Variants in FRMD5 observed in about 807,000 individuals in gnomAD.
FRMD5 encodes the protein FERM domain containing 5, also known as FERM domain-containing protein 5.
FRMD5 carries 20 observed loss-of-function variants against 69.0 expected under a neutral mutation model. The observed-to-expected ratio is 0.29, with a 90% CI of 0.20 to 0.42. FRMD5 has a LOEUF of 0.42. Among genes scored for constraint, FRMD5 ranks in the 10% least tolerant of loss-of-function variants. The probability of loss-of-function intolerance (pLI) is 1.00; values close to 1 mark genes in which losing one functional copy is unlikely to be tolerated. For synonymous variants in FRMD5, 271 were observed against 260.1 expected, an observed-to-expected ratio of 1.04 and a Z score of -0.40; for missense variants, 595 against 708.6, an observed-to-expected ratio of 0.84 and a Z score of 1.82.
intron 1 of FRMD5, among the ~76,000 whole-genome samples, chr15:44,146,643 C>A (rs2077361219): frequency 6.6e-6 from 1 of 152,150 alleles, no homozygotes; most frequent in Non-Finnish European, 1.5e-5. Context: ...TTCTCCATAG[C>A]CTTGCCAGCA....
Position 43,888,837 on chromosome 15 carries a change from GTCTT to G in FRMD5, c.760_763del (p.Lys254LeufsTer6). ...TTTCTGACTTACGTATAAATAGAAA[GTCTT>G]TCCTTCAAATTTCAGCTTGGTCACC... On this transcript the variant is annotated frameshift_variant, in exon 9 of 14. Coordinates refer to ENST00000417257, the MANE Select transcript of FRMD5 (RefSeq NM_032892.5). LOFTEE classifies it high-confidence loss of function. 6.2e-7 allele frequency: 1 copy of G among 1,614,004 alleles called. No individual in the cohort carries two copies. Among genetic ancestry groups the G allele is most frequent in the Non-Finnish European group, 8.5e-7 (1 of 1,179,894 alleles).
chr15:43,876,208 C>G (rs2088351885), intron 13 of FRMD5: 1 of 1,595,888 alleles, frequency 6.3e-7, no homozygotes. Context: ...CCCCCTTTCC[C>G]CGCTTTTCCA....
chr15:44,078,858 C>A (rs1280579419), intron 1 of FRMD5, among the ~76,000 whole-genome samples: 2 of 152,082 alleles, frequency 1.3e-5, no homozygotes, highest in Non-Finnish European at 2.9e-5. Flanking sequence ...GAAAAAATTT[C>A]ATGCCATTAG....
At chr15:44,063,615 T>A in intron 1 of FRMD5, 1 of 520,508 alleles carries the variant, frequency 1.9e-6, no homozygotes, top group South Asian at 1.4e-5. Flanking sequence ...CCATCAATGA[T>A]CCCTTTGTTG....
rs985870468 is a variant in FRMD5 at position 44,155,696 on chromosome 15, C to T, written c.102+39257G>A. Among the ~76,000 whole-genome samples the T allele has an allele frequency of 5.3e-5, 8 of 151,408 alleles. No individual in the cohort carries two copies. In the South Asian group the frequency reaches 1.1e-3, roughly 20 times the overall value. On this transcript the variant is annotated intron_variant, in intron 1 of 13. Transcript: ENST00000417257. The stretch of plus-strand genomic sequence containing the variant: ...GCAACCTCCACCTCCCAGGTTCAAG[C>T]GATTCTCCTGCCTCAGCCTCCCGAG...
In FRMD5 at chr15:43,872,721, C is replaced by A. The variant is rs949627429; in HGVS notation, c.*1164G>T. ...TATTTTAAAAGATTCTTTTCCTGGTCCCTTCTAAGGCTGTTGATCTTGGAA... is the reference window on the plus strand; with the variant it reads ...TATTTTAAAAGATTCTTTTCCTGGTACCTTCTAAGGCTGTTGATCTTGGAA... On this transcript the variant is annotated 3_prime_UTR_variant, in exon 14 of 14. Transcript: ENST00000417257. The A allele has an allele frequency of 6.4e-6, 1 of 155,886 alleles. No individual in the cohort carries two copies. Among genetic ancestry groups the A allele is most frequent in the East Asian group, 1.9e-4 (1 of 5,294 alleles). The allele number at this position is 155,886 out of a possible 1,614,324, so 9.7% of individuals were successfully genotyped here.
intron 1 of FRMD5, among the ~76,000 whole-genome samples, chr15:44,070,512 C>T (rs1893495863): frequency 1.3e-5 from 2 of 152,114 alleles, no homozygotes; most frequent in African/African-American, 4.8e-5. Context: ...AGCAAAACTA[C>T]CTCCAGATTT....
intron 5 of FRMD5, among the ~76,000 whole-genome samples, chr15:43,906,179 G>A (rs369863553): frequency 6.6e-6 from 1 of 152,248 alleles, no homozygotes; most frequent in African/African-American, 2.4e-5. Context: ...AGTCTATGCA[G>A]AGAGACAGAG....
chr15:44,016,390 T>C (rs1890957520), intron 1 of FRMD5, among the ~76,000 whole-genome samples: 1 of 152,142 alleles, frequency 6.6e-6, no homozygotes, highest in South Asian at 2.1e-4. Flanking sequence ...GCCATAGGGA[T>C]GCAGCAATGG....
chr15:43,921,992 G>T (rs887672347), intron 2 of FRMD5, among the ~76,000 whole-genome samples: 1 of 152,096 alleles, frequency 6.6e-6, no homozygotes, highest in Non-Finnish European at 1.5e-5. Flanking sequence ...ACACCCTGAG[G>T]GAGCAGGGGA....
intron 1 of FRMD5, among the ~76,000 whole-genome samples, chr15:44,134,680 C>A (rs1388366698): frequency 6.6e-6 from 1 of 152,158 alleles, no homozygotes; most frequent in Non-Finnish European, 1.5e-5. Context: ...GTACTCCCGA[C>A]CTCAAATGAT....
intron 4 of FRMD5, among the ~76,000 whole-genome samples, chr15:43,910,243 A>G (rs1217246254): frequency 6.6e-6 from 1 of 152,136 alleles, no homozygotes; most frequent in African/African-American, 2.4e-5. Context: ...TTTCCTGGTA[A>G]AAGCATCACC....
intron 4 of FRMD5, among the ~76,000 whole-genome samples, chr15:43,912,895 G>A (rs1452469564): frequency 6.6e-6 from 1 of 151,664 alleles, no homozygotes; most frequent in African/African-American, 2.4e-5. Context: ...GCCAGGCATG[G>A]TGGTGTCGGC....
chr15:44,152,879 T>TA (rs34543964), intron 1 of FRMD5, among the ~76,000 whole-genome samples: 129,893 of 149,502 alleles, frequency 0.87, 57,198 homozygotes, highest in East Asian at 1. Context: ...AAATATTTTC[T>TA]AAAAAAAAAA....
rs571404148 is a variant in FRMD5, at chr15:44,120,615, C to A, written c.102+74338G>T. Reference sequence around the variant, plus strand: ...GGAGTGCAATCTCGGCTCCGCCTCCCGGGTTCACGCCATTCTCCTGCCTCA... The same window carrying A: ...GGAGTGCAATCTCGGCTCCGCCTCCAGGGTTCACGCCATTCTCCTGCCTCA... On this transcript the variant is annotated intron_variant, in intron 1 of 13. Coordinates refer to ENST00000417257, the MANE Select transcript of FRMD5 (RefSeq NM_032892.5). Among the ~76,000 whole-genome samples, 571 of 151,030 alleles carry A rather than the reference C, an allele frequency of 3.8e-3. 5 individuals are homozygous for A. The highest frequency in any genetic ancestry group is 0.014 in the African/African-American group (558 of 41,198).
Position 43,897,163 on chromosome 15 carries a change from G to C in FRMD5, c.639+5012C>G, listed in dbSNP as rs560730712. On this transcript the variant is annotated intron_variant, in intron 7 of 13. Coordinates refer to ENST00000417257, the MANE Select transcript of FRMD5 (RefSeq NM_032892.5). ...GATGGGCCCACCCAAGGGTGGGACA[G>C]CCATCATTGATCCTTCTTGTTCTGT... Among the ~76,000 whole-genome samples, 265 of 152,230 alleles carry C rather than the reference G, an allele frequency of 1.7e-3. 1 individual carries two copies. The highest frequency in any genetic ancestry group is 6.2e-3 in the African/African-American group (256 of 41,544).
chr15:44,065,547 T>C (rs939475372), intron 1 of FRMD5, among the ~76,000 whole-genome samples: 5 of 152,082 alleles, frequency 3.3e-5, no homozygotes, highest in African/African-American at 1.2e-4. Context: ...ATGATGGAGG[T>C]TGAGTACGAT....
At chr15:43,876,045 A>G in intron 13 of FRMD5, 1 of 1,201,122 alleles carries the variant, frequency 8.3e-7, no homozygotes, top group African/African-American at 1.5e-5. Flanking sequence ...TTGTGTGGCC[A>G]CTTCATTGAA....
intron 1 of FRMD5, among the ~76,000 whole-genome samples, chr15:44,176,904 T>G (rs1454729206): frequency 6.6e-6 from 1 of 150,830 alleles, no homozygotes; most frequent in Non-Finnish European, 1.5e-5. Context: ...CTGCACATTG[T>G]GCACATGTAC....
Sources: allele counts gnomAD v4.1 joint callset (sites outside exome capture counted in the v4.1 genomes callset), GRCh38; gene constraint gnomAD v4.1.1; transcripts MANE v1.5; gene names NCBI Gene and HGNC (gene_info 2026-07-23, HGNC 2026-07-21).